Variants in TOP1 observed in about 807,000 individuals in gnomAD.
TOP1 encodes DNA topoisomerase I, also known as DNA topoisomerase 1.
In TOP1, 10 loss-of-function variants were observed where a neutral mutation model predicts 111.1. The observed-to-expected ratio is 0.09, with a 90% CI of 0.06 to 0.15. The LOEUF (loss-of-function observed/expected upper bound fraction) is 0.15. Ranked by LOEUF, TOP1 falls within the 10% of genes least tolerant of loss-of-function variation. The pLI is 1.00. For missense variants in TOP1, 474 were observed against 926.7 expected (o/e 0.51, Z 6.34); for synonymous variants, 271 against 302.9 (o/e 0.89, Z 1.10).
rs1381846629 is a variant in TOP1 at position 41,124,300 on chromosome 20, A to G, written c.*1003A>G. 1 of 233,112 alleles carries G rather than the reference A, an allele frequency of 4.3e-6. No homozygotes were observed. Among genetic ancestry groups the G allele is most frequent in the African/African-American group, 2.2e-5 (1 of 45,330 alleles). The allele number at this position is 233,112 out of a possible 1,614,324, so 14.4% of individuals were successfully genotyped here. On this transcript the variant is annotated 3_prime_UTR_variant, in exon 21 of 21. Coordinates refer to ENST00000361337, the MANE Select transcript of TOP1 (RefSeq NM_003286.4). The surrounding 1 kb of genome is among the most constrained non-coding windows in gnomAD (Gnocchi z 5.4). ...AATTGTGTAAAAAATGGAAAAAAAC[A>G]TAAAAAGCAGAATTTTAATGTGAAG...
chr20:41,103,046 T>G (rs1411928855), intron 13 of TOP1, among the ~76,000 whole-genome samples: 1 of 152,176 alleles, frequency 6.6e-6, no homozygotes, highest in Non-Finnish European at 1.5e-5. Context: ...AGAAAAGGTG[T>G]GATAAAAAGA....
chr20:41,088,753 A>G (rs1210769323), intron 8 of TOP1, among the ~76,000 whole-genome samples: 1 of 152,102 alleles, frequency 6.6e-6, no homozygotes, highest in Non-Finnish European at 1.5e-5. Flanking sequence ...GACTCTGCCA[A>G]TTTCATACCT....
intron 3 of TOP1, among the ~76,000 whole-genome samples, chr20:41,074,103 A>C (rs1349923745): frequency 1.3e-5 from 2 of 152,232 alleles, no homozygotes; most frequent in African/African-American, 2.4e-5. Flanking sequence ...AATCTCAGCA[A>C]CCTTGCTCTT....
chr20:41,045,450 G>A (rs887872159), intron 2 of TOP1, among the ~76,000 whole-genome samples: 1 of 152,192 alleles, frequency 6.6e-6, no homozygotes, highest in Admixed American at 6.5e-5. Flanking sequence ...TGGAAGTTCA[G>A]GCAGTTGTAC....
intron 14 of TOP1, among the ~76,000 whole-genome samples, 156 bp from the exon 15 acceptor site, chr20:41,113,814 C>T (rs1469296326): frequency 3.4e-5 from 5 of 146,768 alleles, no homozygotes; most frequent in African/African-American, 7.7e-5. Context: ...ACCCGGGAGA[C>T]GGAGCTTGCA....
intron 3 of TOP1, among the ~76,000 whole-genome samples, chr20:41,074,753 C>A (rs1028632918): frequency 1.3e-5 from 2 of 152,202 alleles, no homozygotes; most frequent in African/African-American, 2.4e-5. Context: ...GAACAAACTT[C>A]ATGGGATGGA....
rs1268979231 is a variant in TOP1 at position 41,095,514 on chromosome 20, C to CT, written c.731-1703dup. Among the ~76,000 whole-genome samples the CT allele has an allele frequency of 6.6e-6, 1 of 152,154 alleles. No individual in the cohort carries two copies. The highest frequency in any genetic ancestry group is 1.5e-5 in the Non-Finnish European group (1 of 68,014). ...ACACAGCCTATCTTCCCCGAAGTGTCTTTCTTCCAAAGCAGAAGCTTGGGG... is the reference window on the plus strand; with the variant it reads ...ACACAGCCTATCTTCCCCGAAGTGTCTTTTCTTCCAAAGCAGAAGCTTGGGG... On this transcript the variant is annotated intron_variant, in intron 9 of 20. Transcript: ENST00000361337. The surrounding 1 kb of genome is among the most constrained non-coding windows in gnomAD (Gnocchi z 4.6).
chr20:41,108,045 T>C (rs1334958332), intron 13 of TOP1, among the ~76,000 whole-genome samples: 1 of 152,264 alleles, frequency 6.6e-6, no homozygotes, highest in Non-Finnish European at 1.5e-5. Flanking sequence ...TATGACTTAC[T>C]GTGACCCAGC....
intron 8 of TOP1, among the ~76,000 whole-genome samples, chr20:41,086,021 G>A (rs1275055758): frequency 7.2e-5 from 11 of 152,188 alleles, no homozygotes; most frequent in Non-Finnish European, 1.6e-4. Context: ...CCAGCACTTT[G>A]GGAGGCCGAG....
At chr20:41,113,019 A>C in intron 14 of TOP1, 94 bp downstream of exon 14, 2 of 1,257,040 alleles carry the variant, frequency 1.6e-6, no homozygotes, top group Non-Finnish European at 2.2e-6. Context: ...ACTGTATATC[A>C]CAACTCAACA....
At position 41,034,796 on chromosome 20, in the gene TOP1, A is replaced by G. The variant is rs575264689; in HGVS notation, c.58+5341A>G. On this transcript the variant is annotated intron_variant, in intron 2 of 20. Coordinates refer to ENST00000361337, the MANE Select transcript of TOP1 (RefSeq NM_003286.4). This position sits in a 1 kb window ranked among gnomAD's most constrained non-coding sequence, Gnocchi z 4.0. ...ATCGAAGTTTGTATTAACTGTCTTTATGTGTGTCATTTATGTCTCTTAACG... is the reference window on the plus strand; with the variant it reads ...ATCGAAGTTTGTATTAACTGTCTTTGTGTGTGTCATTTATGTCTCTTAACG... Among the ~76,000 whole-genome samples the G allele has an allele frequency of 6.6e-6, 1 of 151,902 alleles. No homozygotes were observed. The highest frequency in any genetic ancestry group is 2.4e-5 in the African/African-American group (1 of 41,398).
At chr20:41,077,727 A>G (rs1361727939) in intron 5 of TOP1, 90 bp downstream of exon 5, 4 of 1,239,806 alleles carry the variant, frequency 3.2e-6, no homozygotes, top group Non-Finnish European at 3.5e-6. Flanking sequence ...GTTAACCCAA[A>G]ACCCACTGAC....
At chr20:41,075,192 G>A (rs554603441) in intron 3 of TOP1, among the ~76,000 whole-genome samples, 22 of 152,078 alleles carry the variant, frequency 1.4e-4, no homozygotes, top group South Asian at 1.0e-3. Flanking sequence ...ATTTTTTTGA[G>A]GCAGAGTCTC....
At chr20:41,062,358 C>T (rs2033555422) in intron 3 of TOP1, among the ~76,000 whole-genome samples, 1 of 152,160 alleles carries the variant, frequency 6.6e-6, no homozygotes, top group South Asian at 2.1e-4. Flanking sequence ...GAATTGCTTT[C>T]TAAGTCTGTT....
chr20:41,042,778 A>G (rs1057472715), intron 2 of TOP1, among the ~76,000 whole-genome samples: 14 of 152,234 alleles, frequency 9.2e-5, no homozygotes, highest in African/African-American at 3.4e-4. Flanking sequence ...GATAACAGAA[A>G]CAGTCAATTA....
intron 2 of TOP1, among the ~76,000 whole-genome samples, chr20:41,048,284 C>A (rs981557403): frequency 6.6e-6 from 1 of 152,080 alleles, no homozygotes; most frequent in African/African-American, 2.4e-5. Flanking sequence ...AGGGTTTCTT[C>A]AAAATATGGT....
chr20:41,103,708 C>A (rs574323128), intron 13 of TOP1, among the ~76,000 whole-genome samples: 10 of 152,064 alleles, frequency 6.6e-5, no homozygotes, highest in Non-Finnish European at 1.3e-4. Flanking sequence ...ATATAGCTTC[C>A]TCTCCTGCCT....
rs1235877711 is a variant in TOP1, at chr20:41,118,089, G to A, written c.1823-80G>A. On this transcript the variant is annotated intron_variant, in intron 17 of 20. Coordinates refer to ENST00000361337, the MANE Select transcript of TOP1 (RefSeq NM_003286.4). This position sits in a 1 kb window ranked among gnomAD's most constrained non-coding sequence, Gnocchi z 4.6. Reference sequence around the variant, plus strand: ...AGAGCCAGCAAAATCATGGGGACGAGGCACTGGGGGAAGACATACTGTGTG... The same window carrying A: ...AGAGCCAGCAAAATCATGGGGACGAAGCACTGGGGGAAGACATACTGTGTG... 6.8e-7 allele frequency: 1 copy of A among 1,474,042 alleles called. No homozygotes were observed. The highest frequency in any genetic ancestry group is 9.2e-7 in the Non-Finnish European group (1 of 1,088,368). 91.3% of individuals were successfully genotyped at this position (1,474,042 alleles called of 1,614,324 possible).
At position 41,123,740 on chromosome 20, in the gene TOP1, C is replaced by G. The variant is rs1170423908; in HGVS notation, c.*443C>G. On this transcript the variant is annotated 3_prime_UTR_variant, in exon 21 of 21. Transcript: ENST00000361337. The surrounding 1 kb of genome is among the most constrained non-coding windows in gnomAD (Gnocchi z 5.8). ...AATTCCTAAACTCCCTTCCCTCTCT[C>G]CCATTTCAGGAATTTAAAATTAAGT... 1 of 232,296 alleles carries G rather than the reference C, an allele frequency of 4.3e-6. No individual in the cohort carries two copies. The highest frequency in any genetic ancestry group is 2.2e-5 in the African/African-American group (1 of 45,240). 14.4% of individuals were successfully genotyped at this position (232,296 alleles called of 1,614,324 possible).
Sources: allele counts gnomAD v4.1 joint callset (sites outside exome capture counted in the v4.1 genomes callset), GRCh38; gene constraint gnomAD v4.1.1; non-coding constraint Gnocchi (gnomAD v3.1); transcripts MANE v1.5; gene names NCBI Gene and HGNC (gene_info 2026-07-23, HGNC 2026-07-21).